Variants in CHN2 observed in about 807,000 individuals in gnomAD.
The protein encoded by CHN2 is beta-chimaerin.
A neutral mutation model predicts 56.3 loss-of-function variants in CHN2; 35 were observed. The ratio of observed to expected loss-of-function variants is 0.62; its 90% CI spans 0.47 to 0.82. The LOEUF is 0.82. Ranked by LOEUF, CHN2 falls within the 40% of genes least tolerant of loss-of-function variation. CHN2 has a pLI of 0.00. For synonymous variants in CHN2, 210 were observed against 212.8 expected, an observed-to-expected ratio of 0.99 and a Z score of 0.12; for missense variants, 491 against 580.5, an observed-to-expected ratio of 0.85 and a Z score of 1.58.
chr7:29,266,192 T>C (rs971322750), intron 1 of CHN2, among the ~76,000 whole-genome samples: 8 of 152,186 alleles, frequency 5.3e-5, no homozygotes, highest in Non-Finnish European at 1.0e-4. Context: ...TGGAACACCA[T>C]TGGGCCTTCC....
Position 29,230,448 on chromosome 7 carries a change from C to A in CHN2, c.49+35458C>A, listed in dbSNP as rs893267187. 1.3e-5 allele frequency among the ~76,000 whole-genome samples: 2 copies of A among 152,150 alleles called. 1 individual carries two copies. Among genetic ancestry groups the A allele is most frequent in the South Asian group, 4.1e-4 (2 of 4,822 alleles). On this transcript the variant is annotated intron_variant, in intron 1 of 12. Transcript: ENST00000222792. ...CTGTGCCTCCCGGGCTCAAGTGATT[C>A]TCATGCCTCAGCCTCCCGAGTAGCT...
chr7:29,305,416 C>G (rs1413088121), intron 1 of CHN2, among the ~76,000 whole-genome samples: 1 of 151,898 alleles, frequency 6.6e-6, no homozygotes, highest in Admixed American at 6.6e-5. Context: ...ATTCAGCACC[C>G]AACATTCTAA....
intron 6 of CHN2, chr7:29,479,940 C>T (rs925972389): frequency 4.2e-6 from 6 of 1,443,176 alleles, no homozygotes; most frequent in Non-Finnish European, 5.4e-6. Context: ...AAGCCGGGCC[C>T]CCTCCATCAC....
chr7:29,423,202 A>G (rs1804519985), intron 6 of CHN2, among the ~76,000 whole-genome samples: 1 of 152,204 alleles, frequency 6.6e-6, no homozygotes, highest in Non-Finnish European at 1.5e-5. Context: ...TTTCATGCTT[A>G]TGTCCCAGCC....
intron 3 of CHN2, among the ~76,000 whole-genome samples, chr7:29,372,077 T>C (rs114283131): frequency 2.0e-3 from 302 of 152,156 alleles, no homozygotes; most frequent in African/African-American, 6.7e-3. Flanking sequence ...TTTCTGTTAC[T>C]CTTAGTAACA....
At chr7:29,398,615 A>G (rs933750013) in intron 5 of CHN2, 129 bp downstream of exon 5, 37 of 631,040 alleles carry the variant, frequency 5.9e-5, no homozygotes, top group South Asian at 3.0e-4. Flanking sequence ...TTATGTTATG[A>G]GGGGGGGGTC....
intron 6 of CHN2, among the ~76,000 whole-genome samples, chr7:29,405,578 C>T (rs1271462294): frequency 1.3e-5 from 2 of 152,114 alleles, no homozygotes; most frequent in Non-Finnish European, 2.9e-5. Flanking sequence ...CTCCCAGAGT[C>T]CTCTTGCTTT....
At chr7:29,272,163 T>C (rs1017692059) in intron 1 of CHN2, among the ~76,000 whole-genome samples, 1 of 152,116 alleles carries the variant, frequency 6.6e-6, no homozygotes, top group Non-Finnish European at 1.5e-5. Flanking sequence ...TGGGCCGTTC[T>C]CCTGCCCCGT....
intron 1 of CHN2, among the ~76,000 whole-genome samples, chr7:29,344,842 C>T (rs1237232176): frequency 6.6e-6 from 1 of 152,194 alleles, no homozygotes; most frequent in African/African-American, 2.4e-5. Context: ...CCCCATGCAG[C>T]CTTCCAAAGG....
At chr7:29,204,539 C>G (rs2128772085) in intron 1 of CHN2, among the ~76,000 whole-genome samples, 1 of 152,214 alleles carries the variant, frequency 6.6e-6, no homozygotes, top group East Asian at 1.9e-4. Flanking sequence ...ACTATTTTTG[C>G]TGATTTTCAT....
At chr7:29,325,796 G>C (rs1795754030) in intron 1 of CHN2, among the ~76,000 whole-genome samples, 1 of 152,128 alleles carries the variant, frequency 6.6e-6, no homozygotes, top group South Asian at 2.1e-4. Flanking sequence ...ATGGTGAAGA[G>C]CCGCCCATTT....
chr7:29,218,275 C>T (rs768340030), intron 1 of CHN2, among the ~76,000 whole-genome samples: 1 of 151,838 alleles, frequency 6.6e-6, no homozygotes, highest in African/African-American at 2.4e-5. Context: ...AAAGTCATGC[C>T]TCGTGAAGGT....
intron 1 of CHN2, among the ~76,000 whole-genome samples, chr7:29,329,234 T>C (rs1796029226): frequency 6.6e-6 from 1 of 152,110 alleles, no homozygotes; most frequent in South Asian, 2.1e-4. Context: ...CTGTTTCTAC[T>C]GAGCTTGATC....
intron 1 of CHN2, among the ~76,000 whole-genome samples, chr7:29,219,025 G>C (rs1785566788): frequency 6.6e-6 from 1 of 152,128 alleles, no homozygotes; most frequent in Non-Finnish European, 1.5e-5. Flanking sequence ...AGTTTAGGCT[G>C]TTTTAAATGT....
intron 1 of CHN2, among the ~76,000 whole-genome samples, chr7:29,306,236 A>G (rs754626823): frequency 6.6e-6 from 1 of 152,216 alleles, no homozygotes; most frequent in African/African-American, 2.4e-5. Context: ...CTTAAGAAGC[A>G]GACTTGAAAG....
At chr7:29,245,376 G>A (rs1787990627) in intron 1 of CHN2, among the ~76,000 whole-genome samples, 1 of 152,168 alleles carries the variant, frequency 6.6e-6, no homozygotes, top group Non-Finnish European at 1.5e-5. Context: ...GAATTAAAGT[G>A]GCAAGAAGAT....
chr7:29,237,303 G>T (rs537822138), intron 1 of CHN2, among the ~76,000 whole-genome samples: 1 of 152,308 alleles, frequency 6.6e-6, no homozygotes, highest in South Asian at 2.1e-4. Context: ...TCCAGGCTCT[G>T]TGCCTTGCCT....
At chr7:29,245,542 A>AT (rs1305557879) in intron 1 of CHN2, among the ~76,000 whole-genome samples, 1 of 152,212 alleles carries the variant, frequency 6.6e-6, no homozygotes, top group Non-Finnish European at 1.5e-5. Flanking sequence ...TATTTTATGC[A>AT]TTTTTAACCA....
At chr7:29,195,509 A>G (rs930331554) in intron 1 of CHN2, 1 of 153,388 alleles carries the variant, frequency 6.5e-6, no homozygotes, top group African/African-American at 2.4e-5. Flanking sequence ...AGACAGCAGC[A>G]ATGAAGGGAT....
Sources: allele counts gnomAD v4.1 joint callset (sites outside exome capture counted in the v4.1 genomes callset), GRCh38; gene constraint gnomAD v4.1.1; transcripts MANE v1.5; gene names NCBI Gene and HGNC (gene_info 2026-07-23, HGNC 2026-07-21).